SEMA3D: variants seen among roughly 807,000 people sequenced by gnomAD.
SEMA3D encodes the protein semaphorin-3D.
SEMA3D carries 84 observed loss-of-function variants against 100.1 expected under a neutral mutation model. That is an observed-to-expected ratio of 0.84 (90% CI 0.70 to 1.01). The LOEUF (loss-of-function observed/expected upper bound fraction) is 1.01, where lower values mean the gene tolerates loss of function less well. Ranked by LOEUF, SEMA3D falls within the 50% of genes least tolerant of loss-of-function variation. SEMA3D has a pLI of 0.00. For missense variants in SEMA3D, 875 were observed against 934.1 expected, an observed-to-expected ratio of 0.94 and a Z score of 0.82; for synonymous variants, 312 against 320.7, an observed-to-expected ratio of 0.97 and a Z score of 0.29.
the SEMA3D span, among the ~76,000 whole-genome samples, chr7:85,203,834 T>C: frequency 2.0e-5 from 3 of 152,078 alleles, no homozygotes; most frequent in South Asian, 2.1e-4. Flanking sequence ...ACAAAAACTT[T>C]GAACCTAGTA....
At position 85,154,821 on chromosome 7, in the gene SEMA3D, C is replaced by T. The variant is rs545611836; in HGVS notation, c.-172-1082G>A. Among the ~76,000 whole-genome samples, 3 of 152,164 alleles carry T rather than the reference C, an allele frequency of 2.0e-5. No individual in the cohort carries two copies. In the East Asian group the frequency reaches 5.8e-4, roughly 29 times the overall value. Reference sequence around the variant, plus strand: ...CATAAAAGATAATTAGGTTTGAACACATAATCTAAAGAGAAAAGAGTAAAA... The same window carrying T: ...CATAAAAGATAATTAGGTTTGAACATATAATCTAAAGAGAAAAGAGTAAAA... On this transcript the variant is annotated intron_variant, in intron 1 of 18. Coordinates refer to ENST00000284136, the MANE Select transcript of SEMA3D (RefSeq NM_001384900.1).
the SEMA3D span, among the ~76,000 whole-genome samples, chr7:85,195,433 C>A: frequency 6.6e-6 from 1 of 151,882 alleles, no homozygotes; most frequent in Admixed American, 6.6e-5. Context: ...TTTCTTTCTC[C>A]TTTTTTTCTT....
chr7:85,073,774 C>T (rs914374196), intron 5 of SEMA3D, among the ~76,000 whole-genome samples: 13 of 152,144 alleles, frequency 8.5e-5, no homozygotes, highest in African/African-American at 2.9e-4. Flanking sequence ...GTTACAGAGC[C>T]TCTAAGAATC....
At chr7:85,221,698 GTTATGAGTATCT>G in the SEMA3D span, among the ~76,000 whole-genome samples, 2 of 151,980 alleles carry the variant, frequency 1.3e-5, no homozygotes, top group Non-Finnish European at 2.9e-5. Context: ...GTCAAATAAT[GTTATGAGTATCT>G]TTAGGAGAAA....
intron 4 of SEMA3D, among the ~76,000 whole-genome samples, chr7:85,085,131 T>G (rs1223941310): frequency 6.6e-6 from 1 of 152,212 alleles, no homozygotes; most frequent in Non-Finnish European, 1.5e-5. Context: ...GATCCTGTTC[T>G]TTTTTTGTTT....
At chr7:85,209,988 C>T in the SEMA3D span, among the ~76,000 whole-genome samples, 1 of 152,020 alleles carries the variant, frequency 6.6e-6, no homozygotes, top group African/African-American at 2.4e-5. Flanking sequence ...GGGACTACCA[C>T]AGAAAACAGT....
the SEMA3D span, among the ~76,000 whole-genome samples, chr7:85,206,191 G>A: frequency 2.6e-5 from 4 of 152,174 alleles, no homozygotes; most frequent in Non-Finnish European, 5.9e-5. Flanking sequence ...CTCCTCATCA[G>A]GTTTAAATTG....
chr7:84,997,396 A>C lies in SEMA3D; in HGVS notation c.*2044T>G, dbSNP rs1183101383. ...ATTTTGTCCAAGCAAATCTATAATT[A>C]CAAACACTGTTGTTACGCTATTCAA... On this transcript the variant is annotated 3_prime_UTR_variant, in exon 19 of 19. Transcript: ENST00000284136. The C allele has an allele frequency of 6.6e-6, 1 of 152,086 alleles. No individual in the cohort carries two copies. Among genetic ancestry groups the C allele is most frequent in the African/African-American group, 2.4e-5 (1 of 41,438 alleles). 9.4% of individuals were successfully genotyped at this position (152,086 alleles called of 1,614,324 possible).
intron 2 of SEMA3D, among the ~76,000 whole-genome samples, chr7:85,145,613 TTAA>T (rs1414130880): frequency 6.6e-6 from 1 of 152,144 alleles, no homozygotes; most frequent in East Asian, 1.9e-4. Context: ...TAGAGTATGT[TTAA>T]TAATACAAAA....
the SEMA3D span, among the ~76,000 whole-genome samples, chr7:85,250,224 C>G: frequency 7.2e-6 from 1 of 139,688 alleles, no homozygotes; most frequent in Non-Finnish European, 1.5e-5. Flanking sequence ...CCTACGTCCA[C>G]GGAGTCTTGC....
intron 1 of SEMA3D, among the ~76,000 whole-genome samples, chr7:85,162,346 C>A (rs1790770361): frequency 6.6e-6 from 1 of 151,968 alleles, no homozygotes; most frequent in African/African-American, 2.4e-5. Flanking sequence ...TTGCATAAAA[C>A]CACACCCTTA....
intron 12 of SEMA3D, among the ~76,000 whole-genome samples, chr7:85,032,832 G>C (rs1475209711): frequency 6.6e-6 from 1 of 151,852 alleles, no homozygotes; most frequent in Non-Finnish European, 1.5e-5. Flanking sequence ...TCTATAAAAG[G>C]ACATAATATT....
the SEMA3D span, among the ~76,000 whole-genome samples, chr7:85,243,007 G>C: frequency 2.0e-5 from 3 of 152,060 alleles, no homozygotes; most frequent in South Asian, 2.1e-4. Context: ...TTTACGGATA[G>C]GTCTGAGGCT....
At chr7:85,139,807 T>C (rs1164607363) in intron 2 of SEMA3D, among the ~76,000 whole-genome samples, 1 of 151,928 alleles carries the variant, frequency 6.6e-6, no homozygotes, top group Non-Finnish European at 1.5e-5. Context: ...TATTTTCTTC[T>C]TTTTGTGACT....
At chr7:85,194,224 G>A in the SEMA3D span, among the ~76,000 whole-genome samples, 38 of 152,216 alleles carry the variant, frequency 2.5e-4, no homozygotes, top group African/African-American at 8.7e-4. Flanking sequence ...GCACTAGCTA[G>A]GAGTTTCAGT....
the SEMA3D span, among the ~76,000 whole-genome samples, chr7:85,209,934 C>T: frequency 7.2e-4 from 110 of 152,132 alleles, no homozygotes; most frequent in African/African-American, 2.1e-3. Context: ...TTTATAATGC[C>T]TTCAAAAATT....
At chr7:85,075,555 T>C (rs910364673) in intron 5 of SEMA3D, among the ~76,000 whole-genome samples, 5 of 152,106 alleles carry the variant, frequency 3.3e-5, no homozygotes, top group Non-Finnish European at 7.4e-5. Context: ...AAGGCATACC[T>C]CAGATTAATT....
chr7:85,207,088 A>T, the SEMA3D span, among the ~76,000 whole-genome samples: 1 of 151,210 alleles, frequency 6.6e-6, no homozygotes, highest in Non-Finnish European at 1.5e-5. Context: ...CTTGTCCTAG[A>T]CAAGAGAACA....
At chr7:85,183,052 C>A (rs1791445634) in intron 1 of SEMA3D, among the ~76,000 whole-genome samples, 1 of 152,142 alleles carries the variant, frequency 6.6e-6, no homozygotes, top group Non-Finnish European at 1.5e-5. Context: ...GAAGTTATAA[C>A]AAACAACCCG....
Sources: allele counts gnomAD v4.1 joint callset (sites outside exome capture counted in the v4.1 genomes callset), GRCh38; gene constraint gnomAD v4.1.1; transcripts MANE v1.5; gene names NCBI Gene and HGNC (gene_info 2026-07-23, HGNC 2026-07-21).